Variants in MAP3K4 observed in about 807,000 individuals in gnomAD.
The protein encoded by MAP3K4 is mitogen-activated protein kinase kinase kinase 4.
MAP3K4 carries 67 observed loss-of-function variants against 185.6 expected under a neutral mutation model. The ratio of observed to expected loss-of-function variants is 0.36; its 90% CI spans 0.30 to 0.44. The LOEUF (loss-of-function observed/expected upper bound fraction) is 0.44. MAP3K4 is among the 20% of genes least tolerant of loss of function. The pLI is 1.00. For missense variants in MAP3K4, 1,551 were observed against 1,995.1 expected (o/e 0.78, Z 4.24); for synonymous variants, 702 against 710.4 (o/e 0.99, Z 0.19).
rs1298478172 is a variant in MAP3K4 at position 161,087,468 on chromosome 6, ACT to A, written c.2557-217_2557-216del. On this transcript the variant is annotated intron_variant, in intron 9 of 26. Transcript: ENST00000392142. The surrounding 1 kb of genome is among the most constrained non-coding windows in gnomAD (Gnocchi z 4.9). ...AGGAGGATGTCCAATAATCGGGGAG[ACT>A]CTGTAAGGCCTCTCCTCCAGTGCGT... is the stretch of plus-strand genomic sequence containing the variant. Among the ~76,000 whole-genome samples the A allele has an allele frequency of 2.6e-5, 4 of 151,866 alleles. No homozygotes were observed. The East Asian group carries it at 5.8e-4, about 22-fold the overall frequency.
Position 161,101,768 on chromosome 6 carries a change from C to A in MAP3K4, c.3675-124C>A. ...AAAGTGTCTAATACATTGCTGGAGG[C>A]AGAGTTGTTCCTGGCAGGCAGAGTT... On this transcript the variant is annotated intron_variant, in intron 17 of 26. Coordinates refer to ENST00000392142, the MANE Select transcript of MAP3K4 (RefSeq NM_005922.4). The surrounding 1 kb of genome is among the most constrained non-coding windows in gnomAD (Gnocchi z 5.1). The A allele has an allele frequency of 1.3e-6, 1 of 749,182 alleles. No individual in the cohort carries two copies. The highest frequency in any genetic ancestry group is 1.7e-5 in the South Asian group (1 of 57,774). 46.4% of individuals were successfully genotyped at this position (749,182 alleles called of 1,614,324 possible). A position where few individuals can be genotyped will look rare whatever the true frequency, so the allele number is the denominator to read the frequency against.
In MAP3K4 at chr6:161,063,583, C is replaced by T. The variant is rs1197408039; in HGVS notation, c.1708-7025C>T. ...TTCTTCTTCCCATGTTCTCGATCTC[C>T]TCTTCTCTTTCCTCCTGTTGTCCTT... On this transcript the variant is annotated intron_variant, in intron 3 of 26. Transcript: ENST00000392142. The surrounding 1 kb of genome is among the most constrained non-coding windows in gnomAD (Gnocchi z 5.4). Among the ~76,000 whole-genome samples, 5 of 152,114 alleles carry T rather than the reference C, an allele frequency of 3.3e-5. No homozygotes were observed. The highest frequency in any genetic ancestry group is 7.4e-5 in the Non-Finnish European group (5 of 68,020).
chr6:161,013,604 G>C (rs1465700718), intron 1 of MAP3K4, among the ~76,000 whole-genome samples: 1 of 152,150 alleles, frequency 6.6e-6, no homozygotes, highest in African/African-American at 2.4e-5. Flanking sequence ...CTTTGCCCAG[G>C]AAAGAATTCA....
At chr6:161,014,923 A>C (rs570745640) in intron 1 of MAP3K4, among the ~76,000 whole-genome samples, 4 of 152,030 alleles carry the variant, frequency 2.6e-5, no homozygotes, top group South Asian at 2.1e-4. Flanking sequence ...CCGGTCCCCA[A>C]CCCTCCCACT....
intron 1 of MAP3K4, among the ~76,000 whole-genome samples, chr6:161,005,649 G>C (rs536713931): frequency 6.6e-6 from 1 of 152,132 alleles, no homozygotes; most frequent in East Asian, 1.9e-4. Context: ...ACCTTTTTTA[G>C]AATCTTAAGC....
In MAP3K4 at chr6:161,084,104, A is replaced by G. The variant is rs1388670344; in HGVS notation, c.2256-397A>G. ...AGTGTTTCATGTTTATTGACTATAC[A>G]AAGCTAATTGTGGGGGAAATTTGTA... On this transcript the variant is annotated intron_variant, in intron 6 of 26. Transcript: ENST00000392142. The surrounding 1 kb of genome is among the most constrained non-coding windows in gnomAD (Gnocchi z 4.6). Among the ~76,000 whole-genome samples the G allele has an allele frequency of 6.6e-6, 1 of 152,248 alleles. No homozygotes were observed. Among genetic ancestry groups the G allele is most frequent in the East Asian group, 1.9e-4 (1 of 5,202 alleles).
In MAP3K4 at chr6:161,053,873, C is replaced by T. The variant is rs191891458; in HGVS notation, c.1707+3894C>T. ...CCTCCCAAAGTGCTGGGATTACAGG[C>T]GTGAGCCACTGCGCCTGGCTAGTGT... On this transcript the variant is annotated intron_variant, in intron 3 of 26. Transcript: ENST00000392142. The surrounding 1 kb of genome is among the most constrained non-coding windows in gnomAD (Gnocchi z 4.2). 1.2e-4 allele frequency among the ~76,000 whole-genome samples: 18 copies of T among 152,142 alleles called. No homozygotes were observed. The highest frequency in any genetic ancestry group is 4.3e-4 in the African/African-American group (18 of 41,516).
chr6:161,081,101 A>G, intron 6 of MAP3K4, 63 bp downstream of exon 6: 1 of 1,530,138 alleles, frequency 6.5e-7, no homozygotes, highest in Admixed American at 1.8e-5. Flanking sequence ...CCATTTACTC[A>G]CTGATTCTCT....
Position 161,115,044 on chromosome 6 carries a change from C to T in MAP3K4, c.4627-79C>T. On this transcript the variant is annotated intron_variant, in intron 25 of 26. Coordinates refer to ENST00000392142, the MANE Select transcript of MAP3K4 (RefSeq NM_005922.4). This position sits in a 1 kb window ranked among gnomAD's most constrained non-coding sequence, Gnocchi z 6.0. ...CCTGATATATATTAATGATGAGATG[C>T]TTAAAAACAGACTGAACATTTGCGT... The T allele has an allele frequency of 7.7e-7, 1 of 1,305,978 alleles. No homozygotes were observed. The highest frequency in any genetic ancestry group is 1.1e-6 in the Non-Finnish European group (1 of 933,532). 80.9% of individuals were successfully genotyped at this position (1,305,978 alleles called of 1,614,324 possible). A position where few individuals can be genotyped will look rare whatever the true frequency, so the allele number is the denominator to read the frequency against.
chr6:161,049,647 G>T lies in MAP3K4; in HGVS notation c.1375G>T (p.Asp459Tyr). Residue 459 changes from aspartate to tyrosine, a missense_variant, in exon 3 of 27, where the codon GAT becomes TAT. By Grantham distance (160) the Asp-to-Tyr change is radical (BLOSUM62 -3). Transcript: ENST00000392142. This position sits in a 1 kb window ranked among gnomAD's most constrained non-coding sequence, Gnocchi z 8.4. ...ATTAAAGGAGTTGGAAAGTAGTACG[G>T]ATGAGAGTGAAGAAGAACAAATCTC... is the stretch of plus-strand genomic sequence containing the variant. ...GELKELESST[D>Y]ESEEEQISDP... 1 of 1,614,168 alleles carries T rather than the reference G, an allele frequency of 6.2e-7. No homozygotes were observed. The highest frequency in any genetic ancestry group is 1.1e-5 in the South Asian group (1 of 91,090).
At chr6:161,021,138 A>C (rs968775645) in intron 1 of MAP3K4, among the ~76,000 whole-genome samples, 34 of 152,304 alleles carry the variant, frequency 2.2e-4, no homozygotes, top group African/African-American at 8.2e-4. Flanking sequence ...ATGTTGGGTC[A>C]TGTTTTATTA....
rs1785375671 is a variant in MAP3K4, at chr6:161,080,070, G to C, written c.2098-811G>C. 2.0e-5 allele frequency among the ~76,000 whole-genome samples: 3 copies of C among 152,298 alleles called. No homozygotes were observed. Among genetic ancestry groups the C allele is most frequent in the Middle Eastern group, 6.8e-3 (2 of 294 alleles). The stretch of plus-strand genomic sequence containing the variant: ...TGGGTGGGCGCTCAGGTTGGCGACA[G>C]ACTGCTTCACGCTGAGTCACACTCG... On this transcript the variant is annotated intron_variant, in intron 5 of 26. Coordinates refer to ENST00000392142, the MANE Select transcript of MAP3K4 (RefSeq NM_005922.4). The surrounding 1 kb of genome is among the most constrained non-coding windows in gnomAD (Gnocchi z 4.8).
chr6:161,109,685 T>C lies in MAP3K4; in HGVS notation c.4237-70T>C. The C allele has an allele frequency of 1.9e-6, 3 of 1,547,034 alleles. No homozygotes were observed. The highest frequency in any genetic ancestry group is 2.7e-6 in the Non-Finnish European group (3 of 1,124,306). On this transcript the variant is annotated intron_variant, in intron 22 of 26. Transcript: ENST00000392142. This position sits in a 1 kb window ranked among gnomAD's most constrained non-coding sequence, Gnocchi z 5.7. ...CTTTGGGGTGTGGCCTAGGAAGTTT[T>C]CCAGATTTTTCACTAGCGTACATCT...
At chr6:161,015,089 C>T (rs1221165646) in intron 1 of MAP3K4, among the ~76,000 whole-genome samples, 3 of 152,092 alleles carry the variant, frequency 2.0e-5, no homozygotes, top group Non-Finnish European at 4.4e-5. Context: ...AATTATAGTG[C>T]ATTCATTTAT....
At position 161,103,637 on chromosome 6, in the gene MAP3K4, G is replaced by A. The variant is rs1023250031; in HGVS notation, c.3856+858G>A. Among the ~76,000 whole-genome samples, 1 of 152,210 alleles carries A rather than the reference G, an allele frequency of 6.6e-6. No homozygotes were observed. Among genetic ancestry groups the A allele is most frequent in the African/African-American group, 2.4e-5 (1 of 41,466 alleles). On this transcript the variant is annotated intron_variant, in intron 19 of 26. Transcript: ENST00000392142. The surrounding 1 kb of genome is among the most constrained non-coding windows in gnomAD (Gnocchi z 4.6). ...TGGACAGCCATCAGTGACTGCCTAA[G>A]TAATGAAGGCTTTGCCCAGAGGTGG...
Position 161,116,942 on chromosome 6 carries a change from C to T in MAP3K4, c.*72C>T. ...ATGTAATATTTACATAAAGACTGTG[C>T]TGAGAAGCAGTATAAGCCTTTTTAA... On this transcript the variant is annotated 3_prime_UTR_variant, in exon 27 of 27. Transcript: ENST00000392142. This position sits in a 1 kb window ranked among gnomAD's most constrained non-coding sequence, Gnocchi z 6.2. The T allele has an allele frequency of 2.1e-6, 3 of 1,424,580 alleles. No individual in the cohort carries two copies. Among genetic ancestry groups the T allele is most frequent in the Non-Finnish European group, 3.0e-6 (3 of 1,009,034 alleles). The allele number at this position is 1,424,580 out of a possible 1,614,324, so 88.2% of individuals were successfully genotyped here.
At chr6:161,079,294 T>C (rs1340981574) in intron 5 of MAP3K4, among the ~76,000 whole-genome samples, 1 of 144,302 alleles carries the variant, frequency 6.9e-6, no homozygotes, top group Non-Finnish European at 1.5e-5. Flanking sequence ...AGACAGAGAG[T>C]TGGCCGGACG....
chr6:161,034,198 G>A lies in MAP3K4; in HGVS notation c.153-61G>A. 7.7e-7 allele frequency: 1 copy of A among 1,299,798 alleles called. No homozygotes were observed. Among genetic ancestry groups the A allele is most frequent in the Non-Finnish European group, 1.1e-6 (1 of 942,804 alleles). 80.5% of individuals were successfully genotyped at this position (1,299,798 alleles called of 1,614,324 possible). A position where few individuals can be genotyped will look rare whatever the true frequency, so the allele number is the denominator to read the frequency against. ...CAAAGAATTATTTAAAAAATTATAA[G>A]TAAATTTGAATTCACTTAACTGTGT... On this transcript the variant is annotated intron_variant, in intron 1 of 26. Transcript: ENST00000392142. This position sits in a 1 kb window ranked among gnomAD's most constrained non-coding sequence, Gnocchi z 4.4.
Position 161,098,120 on chromosome 6 carries a change from C to T in MAP3K4, c.3525-158C>T. 3 of 891,568 alleles carry T rather than the reference C, an allele frequency of 3.4e-6. No individual in the cohort carries two copies. The highest frequency in any genetic ancestry group is 5.1e-6 in the Non-Finnish European group (3 of 593,698). 55.2% of individuals were successfully genotyped at this position (891,568 alleles called of 1,614,324 possible). ...GAAAAGCTTTGAAGTTAGGTTTTTT[C>T]TTTTTTACACCTAGACTCAAATCTC... On this transcript the variant is annotated intron_variant, in intron 16 of 26. Coordinates refer to ENST00000392142, the MANE Select transcript of MAP3K4 (RefSeq NM_005922.4). The surrounding 1 kb of genome is among the most constrained non-coding windows in gnomAD (Gnocchi z 4.4).
Sources: gnomAD v4.1 joint callset for allele counts (sites outside exome capture counted in the v4.1 genomes callset) on GRCh38, gnomAD v4.1.1 for gene constraint, Gnocchi (gnomAD v3.1) non-coding constraint, MANE v1.5 for transcripts, NCBI Gene and HGNC (gene_info 2026-07-23, HGNC 2026-07-21) for gene names.